Variants in TUSC3 observed in about 807,000 individuals in gnomAD.
TUSC3 encodes dolichyl-diphosphooligosaccharide--protein glycosyltransferase subunit TUSC3.
In TUSC3, 45 loss-of-function variants were observed where a neutral mutation model predicts 44.8. That is an observed-to-expected ratio of 1.00 (90% CI 0.79 to 1.29). The LOEUF (loss-of-function observed/expected upper bound fraction) is 1.29. Ranked by LOEUF, TUSC3 falls within the 50% of genes most tolerant of loss-of-function variation. TUSC3 has a pLI of 0.00. For missense variants in TUSC3, 519 were observed against 437.9 expected (o/e 1.19, Z -1.65); for synonymous variants, 212 against 152.9 (o/e 1.39, Z -2.85).
chr8:15,638,712 GAC>G (rs1368636354), intron 2 of TUSC3, among the ~76,000 whole-genome samples: 3 of 151,870 alleles, frequency 2.0e-5, no homozygotes, highest in African/African-American at 7.3e-5. Flanking sequence ...TTTTAATAGA[GAC>G]AGGGTTTCAC....
chr8:15,768,654 T>G (rs1246768669), downstream of TUSC3, among the ~76,000 whole-genome samples: 3 of 152,142 alleles, frequency 2.0e-5, no homozygotes, highest in Non-Finnish European at 4.4e-5. Context: ...AATCAAATTG[T>G]CTGTTTGTAG....
chr8:15,535,986 GT>G (rs1223997535), upstream of TUSC3, among the ~76,000 whole-genome samples: 1 of 152,058 alleles, frequency 6.6e-6, no homozygotes, highest in Non-Finnish European at 1.5e-5. Context: ...GAAAACATGA[GT>G]TTTTTTGCAA....
intron 2 of TUSC3, among the ~76,000 whole-genome samples, chr8:15,503,268 A>T (rs890996899): frequency 6.6e-6 from 1 of 152,190 alleles, no homozygotes; most frequent in South Asian, 2.1e-4. Flanking sequence ...CTACAAGCCA[A>T]GGAGAGAGGC....
At chr8:15,532,491 TC>T (rs1326743096) in intron 2 of TUSC3, among the ~76,000 whole-genome samples, 3 of 152,176 alleles carry the variant, frequency 2.0e-5, no homozygotes, top group Non-Finnish European at 4.4e-5. Context: ...TCCGTGTTTT[TC>T]TGAAGACGGT....
chr8:15,739,021 C>T (rs1397854323), intron 7 of TUSC3, among the ~76,000 whole-genome samples: 4 of 151,252 alleles, frequency 2.6e-5, no homozygotes, highest in African/African-American at 7.3e-5. Flanking sequence ...TTAATAGAGA[C>T]GGGATTTCAC....
intron 2 of TUSC3, among the ~76,000 whole-genome samples, chr8:15,623,767 T>G (rs1805361006): frequency 6.6e-6 from 1 of 152,102 alleles, no homozygotes; most frequent in South Asian, 2.1e-4. Context: ...AACAAACACT[T>G]TTTTAAATTG....
intron 6 of TUSC3, among the ~76,000 whole-genome samples, chr8:15,713,518 G>T (rs1809941649): frequency 6.6e-6 from 1 of 152,072 alleles, no homozygotes; most frequent in Non-Finnish European, 1.5e-5. Context: ...CCATAACAAA[G>T]TACCACTCAC....
At chr8:15,759,325 T>G (rs892938240) in intron 10 of TUSC3, among the ~76,000 whole-genome samples, 6 of 152,018 alleles carry the variant, frequency 3.9e-5, no homozygotes, top group African/African-American at 1.2e-4. Context: ...CCTCTCCAGT[T>G]TAAGAACAGG....
rs371622022 is a variant in TUSC3 at position 15,766,573 on chromosome 8, C to T, written c.*2417C>T. On this transcript the variant is annotated 3_prime_UTR_variant, in exon 11 of 11. Coordinates refer to ENST00000503731, the MANE Select transcript of TUSC3 (RefSeq NM_006765.4). ...AAGGAGTTTCATTTTGTAATAACATCTGATTAATAACTTGTTGCATTTTGC... is the reference window on the plus strand; with the variant it reads ...AAGGAGTTTCATTTTGTAATAACATTTGATTAATAACTTGTTGCATTTTGC... 6 of 152,104 alleles carry T rather than the reference C, an allele frequency of 3.9e-5. No homozygotes were observed. The highest frequency in any genetic ancestry group is 3.8e-4 in the East Asian group (2 of 5,198). 9.4% of individuals were successfully genotyped at this position (152,104 alleles called of 1,614,324 possible). A position where few individuals can be genotyped will look rare whatever the true frequency, so the allele number is the denominator to read the frequency against.
intron 1 of TUSC3, among the ~76,000 whole-genome samples, chr8:15,455,087 C>A (rs77596992): frequency 6.6e-6 from 1 of 152,238 alleles, no homozygotes; most frequent in East Asian, 1.9e-4. Context: ...GAGCCAGCCT[C>A]AAAGGGCAGG....
At chr8:15,800,574 T>TA in the TUSC3 span, among the ~76,000 whole-genome samples, 805 of 139,858 alleles carry the variant, frequency 5.8e-3, 4 homozygotes, top group African/African-American at 0.017. Flanking sequence ...ACCCTGTCTT[T>TA]AAAAAAAAAA....
chr8:15,704,687 G>T (rs1168839988), intron 6 of TUSC3, among the ~76,000 whole-genome samples: 1 of 151,706 alleles, frequency 6.6e-6, no homozygotes, highest in African/African-American at 2.4e-5. Context: ...CCCTGTGTCT[G>T]TCTGTACATC....
chr8:15,428,204 G>C lies in TUSC3; in HGVS notation n.91+10899G>C, dbSNP rs371141660. Among the ~76,000 whole-genome samples the C allele has an allele frequency of 1.8e-4, 26 of 144,000 alleles. 1 individual carries two copies. The highest frequency in any genetic ancestry group is 6.0e-4 in the African/African-American group (23 of 38,572). 94.5% of individuals were successfully genotyped at this position (144,000 alleles called of 152,430 possible). ...CTCATTGTTCAATTCCCACCTATGA[G>C]TGAGAACATGTGGTGTTTGGTTTTT... On this transcript the variant is annotated intron_variant and non_coding_transcript_variant, in intron 1 of 5. Transcript: ENST00000503191.
At chr8:15,707,605 T>C (rs1809668684) in intron 6 of TUSC3, among the ~76,000 whole-genome samples, 1 of 151,904 alleles carries the variant, frequency 6.6e-6, no homozygotes. Context: ...TAATGTTGAA[T>C]ATATTTCTGC....
the TUSC3 span, among the ~76,000 whole-genome samples, chr8:15,833,167 T>A: frequency 1.3e-5 from 2 of 152,162 alleles, no homozygotes; most frequent in African/African-American, 4.8e-5. Flanking sequence ...AGATACTATC[T>A]CACACCAGTC....
In TUSC3 at chr8:15,458,577, A is replaced by G. The variant is rs77186766; in HGVS notation, n.92-24809A>G. ...TTATTATAAAAAACGTGTTAAATAAAAGCAGGCTATGTATGGACCAACGAT... is the reference window on the plus strand; with the variant it reads ...TTATTATAAAAAACGTGTTAAATAAGAGCAGGCTATGTATGGACCAACGAT... On this transcript the variant is annotated intron_variant and non_coding_transcript_variant, in intron 1 of 5. Transcript: ENST00000503191. 2.2e-3 allele frequency among the ~76,000 whole-genome samples: 338 copies of G among 152,292 alleles called. 5 individuals carry two copies. Among genetic ancestry groups the G allele is most frequent in the African/African-American group, 7.6e-3 (314 of 41,558 alleles).
chr8:15,524,265 TATATA>T (rs1322944129), intron 2 of TUSC3, among the ~76,000 whole-genome samples: 3 of 152,114 alleles, frequency 2.0e-5, no homozygotes, highest in South Asian at 2.1e-4. Flanking sequence ...TAAGCCTATT[TATATA>T]ATATATTTCA....
At chr8:15,454,631 C>T (rs1800234049) in intron 1 of TUSC3, among the ~76,000 whole-genome samples, 1 of 152,280 alleles carries the variant, frequency 6.6e-6, no homozygotes, top group East Asian at 1.9e-4. Context: ...TATAGTTCCC[C>T]TTGACTTGTG....
At chr8:15,706,668 A>G (rs1043335685) in intron 6 of TUSC3, among the ~76,000 whole-genome samples, 1 of 152,058 alleles carries the variant, frequency 6.6e-6, no homozygotes, top group African/African-American at 2.4e-5. Context: ...ATGTTAATAT[A>G]CGAATAAATA....
Sources: gnomAD v4.1 joint callset for allele counts (sites outside exome capture counted in the v4.1 genomes callset) on GRCh38, gnomAD v4.1.1 for gene constraint, MANE v1.5 for transcripts, NCBI Gene and HGNC (gene_info 2026-07-23, HGNC 2026-07-21) for gene names.